Variants in PAX7 observed in about 807,000 individuals in gnomAD.
The protein encoded by PAX7 is paired box 7, also known as paired box protein Pax-7.
A neutral mutation model predicts 50.7 loss-of-function variants in PAX7; 18 were observed. That is an observed-to-expected ratio of 0.36 (90% CI 0.25 to 0.53). The LOEUF is 0.53. PAX7 is among the 20% of genes least tolerant of loss of function. PAX7 has a pLI of 0.93. For missense variants in PAX7, 644 were observed against 702.9 expected, an observed-to-expected ratio of 0.92 and a Z score of 0.95; for synonymous variants, 310 against 290.4, an observed-to-expected ratio of 1.07 and a Z score of -0.69.
chr1:18,685,278 T>C (rs1466085857), intron 4 of PAX7, among the ~76,000 whole-genome samples: 1 of 151,858 alleles, frequency 6.6e-6, no homozygotes. Flanking sequence ...AACTGTAGAG[T>C]GTTGTGTGCA....
chr1:18,656,624 T>C (rs1449599791), intron 4 of PAX7, among the ~76,000 whole-genome samples: 2 of 152,184 alleles, frequency 1.3e-5, no homozygotes, highest in Non-Finnish European at 2.9e-5. Context: ...TATGAGACTC[T>C]AGATCACAGA....
At chr1:18,633,412 A>G (rs1300002507) in intron 1 of PAX7, among the ~76,000 whole-genome samples, 1 of 152,118 alleles carries the variant, frequency 6.6e-6, no homozygotes, top group Non-Finnish European at 1.5e-5. Flanking sequence ...TCCCCTCCCC[A>G]GCACACACCA....
intron 4 of PAX7, among the ~76,000 whole-genome samples, chr1:18,684,716 C>T (rs1047936298): frequency 5.9e-5 from 9 of 152,230 alleles, no homozygotes; most frequent in African/African-American, 1.2e-4. Context: ...TTGATTAAAA[C>T]GCATATCAAC....
chr1:18,701,368 G>GT (rs1490762753), intron 6 of PAX7, among the ~76,000 whole-genome samples: 1 of 151,836 alleles, frequency 6.6e-6, no homozygotes, highest in Non-Finnish European at 1.5e-5. Flanking sequence ...GTGCGTATGA[G>GT]TGAGTGAATG....
chr1:18,699,777 G>C (rs1338887514), intron 5 of PAX7, among the ~76,000 whole-genome samples: 2 of 152,002 alleles, frequency 1.3e-5, no homozygotes, highest in African/African-American at 2.4e-5. Context: ...TAGCCAGGAT[G>C]GTCTCAATCT....
chr1:18,725,689 C>T (rs79102049), intron 7 of PAX7, among the ~76,000 whole-genome samples: 1,598 of 152,288 alleles, frequency 0.01, 28 homozygotes, highest in African/African-American at 0.036. Flanking sequence ...TTCCAGCGAT[C>T]GGCCCCTTCC....
In PAX7 at chr1:18,634,340, G is replaced by A; in HGVS notation, c.123G>A (p.Leu41=). The A allele has an allele frequency of 6.2e-7, 1 of 1,614,022 alleles. No homozygotes were observed. Among genetic ancestry groups the A allele is most frequent in the African/African-American group, 1.3e-5 (1 of 75,050 alleles). The change falls in exon 2 of 9, where the codon CTG becomes CTA. Residue 41 remains leucine, a synonymous_variant. Transcript: ENST00000420770. The surrounding 1 kb of genome is among the most constrained non-coding windows in gnomAD (Gnocchi z 4.0). ...TTGGCCAAGGCCGGGTCAATCAGCT[G>A]GGAGGGGTCTTCATCAATGGGCGAC... The part of the protein sequence containing the change: ...TPLGQGRVNQ[L]GGVFINGRPL...
chr1:18,656,700 G>A (rs948383222), intron 4 of PAX7, among the ~76,000 whole-genome samples: 4 of 151,756 alleles, frequency 2.6e-5, no homozygotes, highest in South Asian at 2.1e-4. Context: ...TAAAAAAAAG[G>A]GGGGGATAAT....
At chr1:18,646,050 GA>G (rs1257701429) in intron 4 of PAX7, among the ~76,000 whole-genome samples, 1 of 152,198 alleles carries the variant, frequency 6.6e-6, no homozygotes, top group Admixed American at 6.5e-5. Flanking sequence ...AATGTGGGGG[GA>G]TATACCCCAT....
At chr1:18,670,362 A>G (rs1309725351) in intron 4 of PAX7, among the ~76,000 whole-genome samples, 4 of 152,144 alleles carry the variant, frequency 2.6e-5, no homozygotes, top group Non-Finnish European at 4.4e-5. Flanking sequence ...GAAACTAAGG[A>G]GTGGAGCATT....
chr1:18,634,024 C>T lies in PAX7; in HGVS notation c.86-279C>T, dbSNP rs910268622. ...CATTCGAATCCCCCAGGTGTGTCCT[C>T]ATCCCTCGTAGTGTGGCAGGAGTTG... On this transcript the variant is annotated intron_variant, in intron 1 of 8. Transcript: ENST00000420770. The surrounding 1 kb of genome is among the most constrained non-coding windows in gnomAD (Gnocchi z 4.0). Among the ~76,000 whole-genome samples, 7 of 152,234 alleles carry T rather than the reference C, an allele frequency of 4.6e-5. No individual in the cohort carries two copies. The highest frequency in any genetic ancestry group is 1.4e-4 in the African/African-American group (6 of 41,468).
chr1:18,739,531 T>G (rs1931008247), intron 8 of PAX7, among the ~76,000 whole-genome samples: 1 of 152,244 alleles, frequency 6.6e-6, no homozygotes, highest in South Asian at 2.1e-4. Context: ...TACACGTGGT[T>G]ATTCCCATTG....
intron 4 of PAX7, among the ~76,000 whole-genome samples, chr1:18,667,408 AAG>A (rs1264250563): frequency 1.4e-5 from 2 of 144,380 alleles, no homozygotes; most frequent in African/African-American, 5.3e-5. Context: ...GGAAGGAAGG[AAG>A]GAAGGAAGGA....
intron 4 of PAX7, among the ~76,000 whole-genome samples, chr1:18,675,836 T>C (rs1200527802): frequency 6.6e-6 from 1 of 152,164 alleles, no homozygotes; most frequent in Non-Finnish European, 1.5e-5. Flanking sequence ...CTTGGTGGTG[T>C]CTCGGGGGCC....
chr1:18,662,499 A>G (rs2088614413), intron 4 of PAX7, among the ~76,000 whole-genome samples: 1 of 152,198 alleles, frequency 6.6e-6, no homozygotes, highest in African/African-American at 2.4e-5. Flanking sequence ...ACTTGGAATT[A>G]GAGAAAAGAA....
intron 4 of PAX7, among the ~76,000 whole-genome samples, chr1:18,681,219 G>T (rs1031908505): frequency 1.4e-5 from 2 of 147,806 alleles, no homozygotes; most frequent in African/African-American, 5.0e-5. Context: ...CTCATAGAGT[G>T]GGCCTGCCCC....
chr1:18,722,237 G>T (rs1386541944), intron 7 of PAX7, among the ~76,000 whole-genome samples: 1 of 152,020 alleles, frequency 6.6e-6, no homozygotes, highest in Non-Finnish European at 1.5e-5. Flanking sequence ...GCCCAGGTTG[G>T]AGTTGGGGTG....
intron 4 of PAX7, among the ~76,000 whole-genome samples, chr1:18,669,758 T>C (rs1467937376): frequency 6.6e-6 from 1 of 152,218 alleles, no homozygotes; most frequent in Non-Finnish European, 1.5e-5. Flanking sequence ...CTCTGAGTTC[T>C]GGCTTCTTTA....
At chr1:18,743,309 G>A (rs529719643) in intron 8 of PAX7, among the ~76,000 whole-genome samples, 101 of 152,220 alleles carry the variant, frequency 6.6e-4, no homozygotes, top group Non-Finnish European at 1.2e-3. Context: ...TTGAACCTCC[G>A]TCATTTGAAC....
Sources: gnomAD v4.1 joint callset for allele counts (sites outside exome capture counted in the v4.1 genomes callset) on GRCh38, gnomAD v4.1.1 for gene constraint, Gnocchi (gnomAD v3.1) non-coding constraint, MANE v1.5 for transcripts, NCBI Gene and HGNC (gene_info 2026-07-23, HGNC 2026-07-21) for gene names.